Variants in NCR1 observed in about 807,000 individuals in gnomAD.
NCR1 encodes the protein NK cell-activating receptor.
A neutral mutation model predicts 32.5 loss-of-function variants in NCR1; 30 were observed. The ratio of observed to expected loss-of-function variants is 0.92; its 90% CI spans 0.69 to 1.25. NCR1 has a LOEUF of 1.25. NCR1 is among the 50% of genes most tolerant of loss of function. The pLI, the probability that NCR1 is intolerant of heterozygous loss-of-function variation, is 0.00. For missense variants in NCR1, 369 were observed against 380.7 expected (o/e 0.97, Z 0.26); for synonymous variants, 169 against 143.4 (o/e 1.18, Z -1.28).
the NCR1 span, among the ~76,000 whole-genome samples, chr19:54,925,562 T>G: frequency 6.6e-6 from 1 of 152,112 alleles, no homozygotes; most frequent in Admixed American, 6.6e-5. Flanking sequence ...TCCGGGTACT[T>G]TGTGAGGCCA....
chr19:54,904,729 T>C (rs1038774313), upstream of NCR1, among the ~76,000 whole-genome samples: 2 of 151,962 alleles, frequency 1.3e-5, no homozygotes, highest in African/African-American at 2.4e-5. Context: ...ACAGGGTTTC[T>C]GCATGTTGGT....
intron 3 of NCR1, among the ~76,000 whole-genome samples, chr19:54,907,960 G>A (rs1347895693): frequency 2.6e-5 from 4 of 151,934 alleles, no homozygotes; most frequent in Non-Finnish European, 5.9e-5. Flanking sequence ...TCTGGCAGGG[G>A]AACACAGCTA....
the NCR1 span, among the ~76,000 whole-genome samples, chr19:54,937,074 C>T: frequency 2.7e-5 from 4 of 150,378 alleles, no homozygotes; most frequent in South Asian, 2.1e-4. Context: ...AAAAACTAGC[C>T]GGGCGTGGTG....
downstream of NCR1, among the ~76,000 whole-genome samples, chr19:54,920,189 T>G (rs1340591465): frequency 1.3e-5 from 2 of 152,286 alleles, no homozygotes; most frequent in Non-Finnish European, 2.9e-5. Flanking sequence ...AATGGGCACT[T>G]CGGTTGGTTC....
the NCR1 span, among the ~76,000 whole-genome samples, chr19:54,936,059 T>C: frequency 6.6e-6 from 1 of 152,148 alleles, no homozygotes; most frequent in African/African-American, 2.4e-5. Context: ...GGTGTTTCTT[T>C]GCATGGATAG....
the NCR1 span, among the ~76,000 whole-genome samples, chr19:54,927,417 A>G: frequency 6.6e-6 from 1 of 151,488 alleles, no homozygotes; most frequent in Non-Finnish European, 1.5e-5. Flanking sequence ...AATTAGCTGG[A>G]CATGTTGGCA....
At chr19:54,904,830 C>A (rs1290457288), upstream of NCR1, among the ~76,000 whole-genome samples, 3 of 152,160 alleles carry the variant, frequency 2.0e-5, no homozygotes, top group Non-Finnish European at 4.4e-5. Context: ...CCGTGTCTGG[C>A]CAGTATTTGG....
chr19:54,927,591 C>CA, the NCR1 span: 1 of 1,612,650 alleles, frequency 6.2e-7, no homozygotes, highest in Non-Finnish European at 8.5e-7. Context: ...CAAAACAAAA[C>CA]AAAAAACCCA....
At chr19:54,898,258 G>C in the NCR1 span, among the ~76,000 whole-genome samples, 1 of 152,198 alleles carries the variant, frequency 6.6e-6, no homozygotes, top group East Asian at 1.9e-4. Flanking sequence ...ATTTTCAGTG[G>C]GGTCCCGCAC....
chr19:54,931,705 C>T, the NCR1 span, among the ~76,000 whole-genome samples: 4 of 150,690 alleles, frequency 2.7e-5, no homozygotes, highest in African/African-American at 9.8e-5. Flanking sequence ...AAAAAATTAG[C>T]CAGGTGTGGC....
rs3765013 is a variant in NCR1, at chr19:54,909,442, A to C, written c.553A>C (p.Arg185=). The change falls in exon 4 of 7, where the codon AGA becomes CGA. Residue 185 remains arginine, a synonymous_variant. Coordinates refer to ENST00000291890, the MANE Select transcript of NCR1 (RefSeq NM_004829.7). ...CCTGGGCCCTGTGACCACAGCCCAC[A>C]GAGGGACATACCGATGTTTTGGCTC... The part of the protein sequence containing the change: ...FPLGPVTTAH[R]GTYRCFGSYN... 0.73 allele frequency: 1,171,884 copies of C among 1,612,744 alleles called. 436,912 individuals carry two copies. The highest frequency in any genetic ancestry group is 0.78 in the Non-Finnish European group (920,631 of 1,179,938).
upstream of NCR1, among the ~76,000 whole-genome samples, chr19:54,901,285 C>G (rs2067295766): frequency 6.8e-6 from 1 of 146,134 alleles, no homozygotes; most frequent in Non-Finnish European, 1.5e-5. Flanking sequence ...GGCATAAACC[C>G]CGGAGGCAGA....
chr19:54,932,400 T>C, the NCR1 span, among the ~76,000 whole-genome samples: 7 of 148,486 alleles, frequency 4.7e-5, no homozygotes, highest in Non-Finnish European at 1.0e-4. Context: ...TGCATTCCAG[T>C]CTGGGCGACA....
chr19:54,933,226 A>G, the NCR1 span, among the ~76,000 whole-genome samples: 1 of 151,906 alleles, frequency 6.6e-6, no homozygotes, highest in African/African-American at 2.4e-5. Context: ...GCTCACTGCA[A>G]CCTCCGCCTT....
At chr19:54,937,091 G>A in the NCR1 span, among the ~76,000 whole-genome samples, 29 of 151,516 alleles carry the variant, frequency 1.9e-4, no homozygotes, top group East Asian at 3.9e-4. Context: ...GGTGGCGGGC[G>A]CCTGTAGTCC....
the NCR1 span, among the ~76,000 whole-genome samples, chr19:54,900,048 T>C: frequency 1.3e-5 from 2 of 152,222 alleles, no homozygotes; most frequent in South Asian, 2.1e-4. Context: ...GGATTTAAAA[T>C]TGGTGAGATG....
At chr19:54,910,110 C>T in intron 5 of NCR1, 45 bp downstream of exon 5, 2 of 1,562,932 alleles carry the variant, frequency 1.3e-6, no homozygotes, top group Non-Finnish European at 1.8e-6. Context: ...ATCAGAGCCT[C>T]CCAGTGACAC....
At chr19:54,908,873 G>A (rs191250847) in intron 3 of NCR1, among the ~76,000 whole-genome samples, 7 of 152,050 alleles carry the variant, frequency 4.6e-5, no homozygotes, top group Non-Finnish European at 8.8e-5. Context: ...AGGAGGTCGA[G>A]GCTTCAGTAA....
the NCR1 span, among the ~76,000 whole-genome samples, chr19:54,933,921 G>A: frequency 2.0e-5 from 3 of 152,222 alleles, no homozygotes; most frequent in South Asian, 2.1e-4. Flanking sequence ...AAGATGCAGC[G>A]GTCCACCTGG....
Sources: gnomAD v4.1 joint callset for allele counts (sites outside exome capture counted in the v4.1 genomes callset) on GRCh38, gnomAD v4.1.1 for gene constraint, MANE v1.5 for transcripts, NCBI Gene and HGNC (gene_info 2026-07-23, HGNC 2026-07-21) for gene names.